Variants in LAMA1 observed in about 807,000 individuals in gnomAD.
LAMA1 encodes laminin subunit alpha-1.
LAMA1 carries 219 observed loss-of-function variants against 348.7 expected under a neutral mutation model. That is an observed-to-expected ratio of 0.63 (90% CI 0.56 to 0.70). LAMA1 has a LOEUF of 0.70. Ranked by LOEUF, LAMA1 falls within the 30% of genes least tolerant of loss-of-function variation. The pLI is 0.00. For missense variants in LAMA1, 3,744 were observed against 3,888.0 expected, an observed-to-expected ratio of 0.96 and a Z score of 0.99; for synonymous variants, 1,487 against 1,491.0, an observed-to-expected ratio of 1.00 and a Z score of 0.06.
chr18:7,013,024 G>A (rs1173893405), intron 23 of LAMA1, among the ~76,000 whole-genome samples: 11 of 151,842 alleles, frequency 7.2e-5, no homozygotes, highest in Admixed American at 5.2e-4. Flanking sequence ...AGCCAGGCGT[G>A]GTGGTGGGCA....
intron 29 of LAMA1, among the ~76,000 whole-genome samples, chr18:7,003,787 CTT>C (rs2057819554): frequency 6.6e-6 from 1 of 152,140 alleles, no homozygotes; most frequent in African/African-American, 2.4e-5. Flanking sequence ...AGAAAGACAT[CTT>C]GTTACATGTT....
At chr18:7,015,608 T>A in intron 22 of LAMA1, 114 bp downstream of exon 22, 2 of 1,148,846 alleles carry the variant, frequency 1.7e-6, no homozygotes, top group Non-Finnish European at 2.5e-6. Flanking sequence ...TTTTTTTAAA[T>A]TCACAAAGCT....
At chr18:7,094,426 CAAAAA>C (rs1194222301) in intron 1 of LAMA1, among the ~76,000 whole-genome samples, 2 of 63,454 alleles carry the variant, frequency 3.2e-5, no homozygotes, top group African/African-American at 8.7e-5. Context: ...GACTCCGTCT[CAAAAA>C]AAAAAAAAAA....
In LAMA1 at chr18:6,952,991, ATAGGAG is replaced by A. The variant is rs2057555478; in HGVS notation, c.8208-2026_8208-2021del. ...TGCCTGTGTCCGGCGGATCCACGCC[ATAGGAG>A]CCATGTCTGCCTGTGTCCAGTGGAT... On this transcript the variant is annotated intron_variant, in intron 57 of 62. Transcript: ENST00000389658. Among the ~76,000 whole-genome samples the A allele has an allele frequency of 1.1e-4, 10 of 93,628 alleles. 1 individual carries two copies. In the Admixed American group the frequency reaches 1.3e-3, roughly 12 times the overall value. 61.4% of individuals were successfully genotyped at this position (93,628 alleles called of 152,430 possible).
rs764932764 is a variant in LAMA1, at chr18:6,985,633, A to G, written c.5390T>C (p.Leu1797Pro). The change falls in exon 38 of 63, where the codon CTG becomes CCG. Residue 1797 changes from leucine to proline, a missense_variant. Around this residue, in one of 3 missense-constraint regions of LAMA1, gnomAD observed 1,983 missense variants for 1,934.3 expected, o/e 1.03. Transcript: ENST00000389658. ...ANLREFSDKKLHVQEEQNLTS... is the reference protein window; with the variant it reads ...ANLREFSDKKPHVQEEQNLTS... Reference sequence around the variant, plus strand: ...CAGATTTTGTTCTTCTTGAACATGCAGCTTTTTATCCTGCAGCAGAAACGG... The same window carrying G: ...CAGATTTTGTTCTTCTTGAACATGCGGCTTTTTATCCTGCAGCAGAAACGG... The G allele has an allele frequency of 4.3e-6, 7 of 1,611,972 alleles. No homozygotes were observed. Among genetic ancestry groups the G allele is most frequent in the Non-Finnish European group, 5.9e-6 (7 of 1,178,146 alleles).
At chr18:7,042,354 T>TA (rs2058024233) in intron 8 of LAMA1, 104 bp from the exon 9 acceptor site, 1 of 741,336 alleles carries the variant, frequency 1.3e-6, no homozygotes, top group African/African-American at 1.7e-5. Context: ...ATGGGACTAT[T>TA]ACGATGATTT....
intron 33 of LAMA1, among the ~76,000 whole-genome samples, chr18:6,996,297 A>G (rs1229672256): frequency 6.6e-6 from 1 of 152,150 alleles, no homozygotes; most frequent in Admixed American, 6.5e-5. Context: ...GCCCCATCCC[A>G]GCGCACACAT....
chr18:7,077,360 C>T (rs2058173461), intron 3 of LAMA1, among the ~76,000 whole-genome samples: 1 of 151,984 alleles, frequency 6.6e-6, no homozygotes. Context: ...CACCACCACG[C>T]CTGGCTCATT....
rs913312368 is a variant in LAMA1, at chr18:6,996,435, G to A, written c.4807-989C>T. Among the ~76,000 whole-genome samples the A allele has an allele frequency of 6.6e-5, 10 of 152,084 alleles. 1 individual carries two copies. Among genetic ancestry groups the A allele is most frequent in the Non-Finnish European group, 1.0e-4 (7 of 68,046 alleles). ...TGCATAGATTATGTCAAATTCTAAC[G>A]CATATATAAAGCAAAATTTAAGAAT... is the stretch of plus-strand genomic sequence containing the variant. On this transcript the variant is annotated intron_variant, in intron 33 of 62. Transcript: ENST00000389658.
At position 6,975,939 on chromosome 18, in the gene LAMA1, C is replaced by T. The variant is rs141405588; in HGVS notation, c.6487G>A (p.Ala2163Thr). 1.3e-4 allele frequency: 210 copies of T among 1,613,976 alleles called. No homozygotes were observed. The African/African-American group carries it at 2.2e-3, about 17-fold the overall frequency. Residue 2163 changes from alanine (A) to threonine (T), a missense_variant and splice_region_variant, in exon 45 of 63, where the codon GCT (alanine) becomes ACT (threonine). Physicochemically the swap from Ala to Thr is moderately conservative, Grantham distance 58 (BLOSUM62 0). This residue lies in a region of LAMA1 where 1,983 missense variants were observed against 1,934.3 expected (regional missense o/e 1.03). Coordinates refer to ENST00000389658, the MANE Select transcript of LAMA1 (RefSeq NM_005559.4). ...CTTTCCAAAGGTCCATAACTTACAGCGGTGCTGCTACCGAGGTAGAAGAGA... is the reference window on the plus strand; with the variant it reads ...CTTTCCAAAGGTCCATAACTTACAGTGGTGCTGCTACCGAGGTAGAAGAGA... ...NLLFYLGSST[A>T]SDFLAVEMRR...
chr18:6,954,927 CCAGAAGGTG>C, intron 57 of LAMA1: 1 of 296,112 alleles, frequency 3.4e-6, no homozygotes, highest in Non-Finnish European at 6.5e-6. Context: ...GGTATGAGGG[CCAGAAGGTG>C]CAGAGAGGGG....
At chr18:7,107,816 C>T (rs28584701) in intron 1 of LAMA1, among the ~76,000 whole-genome samples, 78,155 of 148,610 alleles carry the variant, frequency 0.53, 20,636 homozygotes, top group East Asian at 0.78. Flanking sequence ...AGATTGAGAC[C>T]GTCCTGGCTA....
intron 46 of LAMA1, among the ~76,000 whole-genome samples, chr18:6,973,806 G>C (rs1292247159): frequency 6.6e-6 from 1 of 152,112 alleles, no homozygotes; most frequent in East Asian, 1.9e-4. Context: ...TTAGAGGCAG[G>C]GTCTTGCTCT....
intron 1 of LAMA1, among the ~76,000 whole-genome samples, chr18:7,099,177 T>G (rs1419529870): frequency 6.6e-6 from 1 of 151,396 alleles, no homozygotes; most frequent in Non-Finnish European, 1.5e-5. Context: ...CCCCCAACCC[T>G]GTGCTCTCTG....
At chr18:6,971,762 T>C in intron 48 of LAMA1, 95 bp downstream of exon 48, 1 of 1,551,430 alleles carries the variant, frequency 6.4e-7, no homozygotes, top group Non-Finnish European at 8.9e-7. Flanking sequence ...TCACAAACTC[T>C]ATTCCTTGAC....
intron 7 of LAMA1, among the ~76,000 whole-genome samples, chr18:7,044,100 T>G (rs1282323136): frequency 6.8e-6 from 1 of 147,118 alleles, no homozygotes; most frequent in Admixed American, 6.8e-5. Flanking sequence ...GAGGCAGAGG[T>G]TGCAGTGAGC....
chr18:7,010,019 C>T (rs550801245), intron 26 of LAMA1, among the ~76,000 whole-genome samples, 181 bp downstream of exon 26: 1 of 152,212 alleles, frequency 6.6e-6, no homozygotes, highest in East Asian at 1.9e-4. Flanking sequence ...GTTGGACAGG[C>T]TGGTCTCAAA....
In LAMA1 at chr18:6,995,399, C is replaced by A; in HGVS notation, c.4854G>T (p.Lys1618Asn). The A allele has an allele frequency of 6.2e-7, 1 of 1,613,660 alleles. No individual in the cohort carries two copies. Among genetic ancestry groups the A allele is most frequent in the Non-Finnish European group, 8.5e-7 (1 of 1,179,564 alleles). ...CCGTTTCTTCTGCAACACCTTCAAG[C>A]TTAATTTTTCCCAGGTCCTTTTGCA... ...ENMQKDLGKI[K>N]LEGVAEETDN... The change falls in exon 34 of 63, where the codon AAG becomes AAT. Residue 1618 changes from lysine (K) to asparagine (N), a missense_variant. Lys to Asn is a moderately conservative substitution (Grantham distance 94, BLOSUM62 0). Around this residue, in one of 3 missense-constraint regions of LAMA1, gnomAD observed 1,983 missense variants for 1,934.3 expected, o/e 1.03. Coordinates refer to ENST00000389658, the MANE Select transcript of LAMA1 (RefSeq NM_005559.4).
At chr18:7,002,431 TAG>T in intron 29 of LAMA1, 46 bp from the exon 30 acceptor site, 1 of 1,605,170 alleles carries the variant, frequency 6.2e-7, no homozygotes. Flanking sequence ...GGGAAATTGT[TAG>T]AAATCATTCT....
Sources: gnomAD v4.1 joint callset for allele counts (sites outside exome capture counted in the v4.1 genomes callset) on GRCh38, gnomAD v4.1.1 for gene constraint, gnomAD v4.1.1 regional missense constraint, MANE v1.5 for transcripts, NCBI Gene and HGNC (gene_info 2026-07-23, HGNC 2026-07-21) for gene names.